PXDNL: variants seen among roughly 807,000 people sequenced by gnomAD.
PXDNL encodes probable oxidoreductase PXDNL.
Under a neutral mutation model 150.8 loss-of-function variants are expected in PXDNL, and 145 were observed. The observed-to-expected ratio is 0.96, with a 90% CI of 0.84 to 1.10. The LOEUF is 1.10. Ranked by LOEUF, PXDNL falls within the 50% of genes least tolerant of loss-of-function variation. PXDNL has a pLI of 0.00. For missense variants in PXDNL, 2,087 were observed against 1,873.9 expected, an observed-to-expected ratio of 1.11 and a Z score of -2.10; for synonymous variants, 757 against 725.7, an observed-to-expected ratio of 1.04 and a Z score of -0.69.
At chr8:51,782,580 T>C (rs372106324) in intron 1 of PXDNL, among the ~76,000 whole-genome samples, 4 of 152,236 alleles carry the variant, frequency 2.6e-5, no homozygotes, top group East Asian at 1.9e-4. Context: ...GTTGAACAAA[T>C]TGTTCCACAC....
In PXDNL at chr8:51,494,440, A is replaced by C. The variant is rs903846802; in HGVS notation, c.452+5259T>G. 1.8e-4 allele frequency among the ~76,000 whole-genome samples: 28 copies of C among 152,266 alleles called. 1 individual carries two copies. Among genetic ancestry groups the C allele is most frequent in the Admixed American group, 1.1e-3 (17 of 15,290 alleles). On this transcript the variant is annotated intron_variant, in intron 5 of 22. Transcript: ENST00000356297. ...ATTCACACATAACAATATTAACCTT[A>C]AATGTAAATGGGCTAAATGCTCCAA...
chr8:51,596,142 C>T (rs1813560035), intron 2 of PXDNL, among the ~76,000 whole-genome samples: 1 of 152,080 alleles, frequency 6.6e-6, no homozygotes, highest in African/African-American at 2.4e-5. Context: ...AAGTGAAAAC[C>T]TGTAGTATTT....
intron 4 of PXDNL, among the ~76,000 whole-genome samples, chr8:51,518,194 G>A (rs1434474233): frequency 6.6e-6 from 1 of 152,166 alleles, no homozygotes; most frequent in Non-Finnish European, 1.5e-5. Flanking sequence ...AAGAACTTCT[G>A]TGAGGACTTC....
chr8:51,388,554 G>C (rs1586061158), intron 17 of PXDNL, among the ~76,000 whole-genome samples: 3 of 152,232 alleles, frequency 2.0e-5, no homozygotes, highest in Middle Eastern at 3.4e-3. Context: ...GAGATGTTCT[G>C]CAGATGAGTA....
intron 1 of PXDNL, among the ~76,000 whole-genome samples, chr8:51,766,115 G>A (rs554533300): frequency 1.4e-3 from 216 of 152,296 alleles, no homozygotes; most frequent in African/African-American, 5.0e-3. Flanking sequence ...GATGACAGGC[G>A]TGAGCCACCG....
At chr8:51,760,390 A>G (rs1324264442) in intron 1 of PXDNL, among the ~76,000 whole-genome samples, 1 of 152,204 alleles carries the variant, frequency 6.6e-6, no homozygotes, top group East Asian at 1.9e-4. Flanking sequence ...TGAAATTACA[A>G]TGAGTAGCAT....
At chr8:51,425,770 C>T (rs770910519) in intron 13 of PXDNL, among the ~76,000 whole-genome samples, 1 of 151,306 alleles carries the variant, frequency 6.6e-6, no homozygotes, top group South Asian at 2.1e-4. Context: ...TGTAGTGAGC[C>T]GAGATCGCGC....
intron 2 of PXDNL, among the ~76,000 whole-genome samples, chr8:51,598,039 T>C (rs1426094590): frequency 6.6e-6 from 1 of 152,136 alleles, no homozygotes; most frequent in Non-Finnish European, 1.5e-5. Context: ...AATTTGGCTA[T>C]CAGCTTGAAG....
chr8:51,680,063 T>G (rs1490839462), intron 1 of PXDNL, among the ~76,000 whole-genome samples: 1 of 152,254 alleles, frequency 6.6e-6, no homozygotes, highest in Non-Finnish European at 1.5e-5. Flanking sequence ...TTGAAAATAT[T>G]CACTTGATCT....
At chr8:51,740,076 T>C (rs1037897970) in intron 1 of PXDNL, among the ~76,000 whole-genome samples, 21 of 152,222 alleles carry the variant, frequency 1.4e-4, no homozygotes, top group African/African-American at 5.1e-4. Context: ...AGACATATAA[T>C]GTTTGTGGAT....
chr8:51,720,681 A>G (rs1210638409), intron 1 of PXDNL, among the ~76,000 whole-genome samples: 1 of 152,350 alleles, frequency 6.6e-6, no homozygotes, highest in African/African-American at 2.4e-5. Flanking sequence ...CTTGAAAATT[A>G]GATATATTTC....
chr8:51,701,054 T>C (rs1563511821), intron 1 of PXDNL, among the ~76,000 whole-genome samples: 1 of 151,870 alleles, frequency 6.6e-6, no homozygotes, highest in Admixed American at 6.6e-5. Context: ...GAAATTCTAA[T>C]ACAATACTAT....
intron 4 of PXDNL, among the ~76,000 whole-genome samples, chr8:51,535,875 G>T (rs966670872): frequency 6.6e-6 from 1 of 152,066 alleles, no homozygotes; most frequent in Non-Finnish European, 1.5e-5. Flanking sequence ...CACAAGACAG[G>T]TATAGTGGAG....
intron 3 of PXDNL, among the ~76,000 whole-genome samples, chr8:51,578,193 T>A (rs1480196741): frequency 6.6e-6 from 1 of 151,702 alleles, no homozygotes; most frequent in Non-Finnish European, 1.5e-5. Context: ...TATATTCCTG[T>A]TTACAGATAA....
chr8:51,682,907 T>G (rs935337999), intron 1 of PXDNL, among the ~76,000 whole-genome samples: 27 of 152,016 alleles, frequency 1.8e-4, no homozygotes, highest in African/African-American at 5.8e-4. Context: ...GAATTTCCAG[T>G]TCTAACAAGT....
intron 1 of PXDNL, among the ~76,000 whole-genome samples, chr8:51,680,251 G>C (rs1815713167): frequency 6.6e-6 from 1 of 152,178 alleles, no homozygotes; most frequent in Admixed American, 6.5e-5. Flanking sequence ...TGGATGTGGG[G>C]TGCATGTGGC....
At chr8:51,797,020 T>C (rs191121059) in intron 1 of PXDNL, among the ~76,000 whole-genome samples, 35 of 152,294 alleles carry the variant, frequency 2.3e-4, no homozygotes, top group East Asian at 1.9e-4. Context: ...CTGGTCAACA[T>C]ATGCAAATTA....
At chr8:51,496,414 T>A (rs1409692446) in intron 5 of PXDNL, among the ~76,000 whole-genome samples, 1 of 152,150 alleles carries the variant, frequency 6.6e-6, no homozygotes, top group African/African-American at 2.4e-5. Context: ...AACATAGTGC[T>A]GGAAGTTCTG....
chr8:51,522,601 T>C (rs1811685275), intron 4 of PXDNL, among the ~76,000 whole-genome samples: 1 of 152,092 alleles, frequency 6.6e-6, no homozygotes, highest in African/African-American at 2.4e-5. Context: ...CCCAGCACTT[T>C]GGGGGGCCGA....
Sources: gnomAD v4.1 joint callset for allele counts (sites outside exome capture counted in the v4.1 genomes callset) on GRCh38, gnomAD v4.1.1 for gene constraint, MANE v1.5 for transcripts, NCBI Gene and HGNC (gene_info 2026-07-23, HGNC 2026-07-21) for gene names.